The following ZNF534 variants were observed in gnomAD, a reference collection of about 807,000 sequenced individuals.
The protein encoded by ZNF534 is KRAB domain only 3.
ZNF534 carries 19 observed loss-of-function variants against 13.6 expected under a neutral mutation model. The observed-to-expected ratio is 1.40, with a 90% CI of 0.97 to 2.05. ZNF534 has a LOEUF of 2.05. Among genes scored for constraint, ZNF534 ranks in the 30% most tolerant of loss-of-function variants. The probability of loss-of-function intolerance (pLI) is 0.00; values close to 1 mark genes in which losing one functional copy is unlikely to be tolerated. For synonymous variants in ZNF534, 244 were observed against 273.8 expected, an observed-to-expected ratio of 0.89 and a Z score of 1.07; for missense variants, 782 against 796.3, an observed-to-expected ratio of 0.98 and a Z score of 0.22.
Position 52,438,623 on chromosome 19 carries a change from G to T in ZNF534, c.1163G>T (p.Gly388Val). 1.3e-6 allele frequency: 2 copies of T among 1,589,712 alleles called. No homozygotes were observed. Among genetic ancestry groups the T allele is most frequent in the African/African-American group, 2.7e-5 (2 of 74,276 alleles). Residue 388 changes from glycine to valine, a missense_variant, in exon 5 of 5, where the codon GGC becomes GTC. By Grantham distance (109) the Gly-to-Val change is moderately radical (BLOSUM62 -3). Coordinates refer to ENST00000433050, the MANE Select transcript of ZNF534 (RefSeq NM_001143938.3). ...GEKPYKCNEC[G>V]KVFIGNSRLA... is the part of the protein sequence containing the mutation. The stretch of plus-strand genomic sequence containing the variant: ...AAACCTTACAAATGTAATGAGTGTG[G>T]CAAGGTCTTTATTGGCAATTCACGC...
At chr19:52,451,226 T>C in exon 5 of ZNF534, 1 of 720,012 alleles carries the variant, frequency 1.4e-6, no homozygotes, top group Non-Finnish European at 2.6e-6. Context: ...GTCTTCAGGG[T>C]GGAAGCCTGG....
rs1043984378 is a variant in ZNF534 at position 52,439,952 on chromosome 19, C to T, written c.*506C>T. 6.6e-6 allele frequency among the ~76,000 whole-genome samples: 1 copy of T among 152,010 alleles called. No individual in the cohort carries two copies. The highest frequency in any genetic ancestry group is 1.5e-5 in the Non-Finnish European group (1 of 68,014). On this transcript the variant is annotated 3_prime_UTR_variant, in exon 5 of 5. Coordinates refer to ENST00000433050, the MANE Select transcript of ZNF534 (RefSeq NM_001143938.3). ...CTGAGGTGGCAGGCACTTGTGATCC[C>T]AGCTACTCAGGAGGCTGAGGCAGGA...
Position 52,438,448 on chromosome 19 carries a change from G to T in ZNF534, c.988G>T (p.Glu330Ter). 6.2e-7 allele frequency: 1 copy of T among 1,610,182 alleles called. No individual in the cohort carries two copies. Among genetic ancestry groups the T allele is most frequent in the Non-Finnish European group, 8.5e-7 (1 of 1,177,890 alleles). Residue 330 changes from glutamate (E) to a stop codon, truncating the protein, a stop_gained, in exon 5 of 5, where the codon GAA (glutamate) becomes TAA (stop). Transcript: ENST00000433050. LOFTEE classifies it low-confidence loss of function (END_TRUNC). ...TGGAGAGAAACCTTATGATTGTAAGGAATGTGGCAAGGTCTTCAGGCATAA... is the reference window on the plus strand; with the variant it reads ...TGGAGAGAAACCTTATGATTGTAAGTAATGTGGCAAGGTCTTCAGGCATAA... The part of the protein sequence containing the change: ...HTGEKPYDCK[E>*]CGKVFRHKSS...
chr19:52,434,956 A>G (rs11084160), intron 3 of ZNF534, 125 bp from the exon 4 acceptor site: 1,157,062 of 1,220,374 alleles, frequency 0.95, 550,818 homozygotes, highest in African/African-American at 0.98. Context: ...GAAGGATGCA[A>G]TCAGTGGTTG....
chr19:52,446,184 T>C (rs938494321), downstream of ZNF534, among the ~76,000 whole-genome samples: 34 of 152,200 alleles, frequency 2.2e-4, no homozygotes, highest in African/African-American at 8.0e-4. Flanking sequence ...AATGAAAATA[T>C]AATGATAAAT....
At chr19:52,433,574 G>A (rs148273138) in intron 2 of ZNF534, among the ~76,000 whole-genome samples, 21 of 152,250 alleles carry the variant, frequency 1.4e-4, no homozygotes, top group African/African-American at 5.1e-4. Context: ...CACCGTGTTG[G>A]CCAAGATGGT....
chr19:52,449,230 A>G (rs780835580), intron 4 of ZNF534, among the ~76,000 whole-genome samples: 3 of 152,108 alleles, frequency 2.0e-5, no homozygotes, highest in South Asian at 2.1e-4. Context: ...CTATATATAC[A>G]TTTTCTTTAT....
exon 5 of ZNF534, chr19:52,451,698 A>C (rs1049750476): frequency 3.0e-6 from 2 of 673,238 alleles, no homozygotes; most frequent in Non-Finnish European, 5.4e-6. Flanking sequence ...GAGTAGCTCC[A>C]AGGTCTGGCT....
At chr19:52,450,173 G>A (rs991541969) in intron 4 of ZNF534, among the ~76,000 whole-genome samples, 2 of 152,068 alleles carry the variant, frequency 1.3e-5, no homozygotes, top group African/African-American at 4.8e-5. Context: ...AATCTTTTTA[G>A]TTTAATATAA....
chr19:52,441,596 G>A lies in ZNF534; in HGVS notation c.*2150G>A, dbSNP rs1278830092. 6.6e-6 allele frequency among the ~76,000 whole-genome samples: 1 copy of A among 152,200 alleles called. No individual in the cohort carries two copies. The highest frequency in any genetic ancestry group is 1.9e-4 in the East Asian group (1 of 5,194). On this transcript the variant is annotated 3_prime_UTR_variant, in exon 5 of 5. Transcript: ENST00000433050. ...ACTATAGAATTCATACTGCAGAGAA[G>A]CCTTACAAATGCAGCGAATGTGACA... is the stretch of plus-strand genomic sequence containing the variant.
intron 2 of ZNF534, among the ~76,000 whole-genome samples, chr19:52,433,438 C>G (rs1424623342): frequency 6.6e-6 from 1 of 151,956 alleles, no homozygotes; most frequent in African/African-American, 2.4e-5. Flanking sequence ...GCAATCTCAG[C>G]TCACTGCAAT....
chr19:52,429,795 A>G (rs996315357), intron 1 of ZNF534, among the ~76,000 whole-genome samples: 1 of 151,656 alleles, frequency 6.6e-6, no homozygotes, highest in Non-Finnish European at 1.5e-5. Flanking sequence ...GGGTTTCACC[A>G]TGTTGGCCAG....
downstream of ZNF534, among the ~76,000 whole-genome samples, chr19:52,444,057 T>G (rs934756134): frequency 2.0e-5 from 3 of 152,114 alleles, no homozygotes; most frequent in Non-Finnish European, 4.4e-5. Context: ...TGTGATTTTT[T>G]GGGGGATGTT....
At chr19:52,444,520 G>GTAGTAT (rs2059187406), downstream of ZNF534, among the ~76,000 whole-genome samples, 1 of 152,104 alleles carries the variant, frequency 6.6e-6, no homozygotes, top group African/African-American at 2.4e-5. Flanking sequence ...ATCAGCTGTG[G>GTAGTAT]TAGTATGGGG....
In ZNF534 at chr19:52,447,850, C is replaced by T. The variant is rs116311415; in HGVS notation, c.272-3337C>T. ...TGCTAATATTTTCTTAAGAATTTTG[C>T]GATTTTTTTCATGTGAAATTTAGTT... On this transcript the variant is annotated intron_variant, in intron 4 of 4. Coordinates refer to the ZNF534 transcript ENST00000301085. Among the ~76,000 whole-genome samples the T allele has an allele frequency of 8.4e-3, 1,245 of 148,090 alleles. 22 individuals carry two copies. The highest frequency in any genetic ancestry group is 0.029 in the African/African-American group (1,182 of 40,240).
At chr19:52,432,614 A>AT (rs1482203076) in intron 2 of ZNF534, among the ~76,000 whole-genome samples, 1 of 151,878 alleles carries the variant, frequency 6.6e-6, no homozygotes, top group Non-Finnish European at 1.5e-5. Flanking sequence ...GATTTTCACC[A>AT]TTTTTTATTT....
downstream of ZNF534, among the ~76,000 whole-genome samples, chr19:52,444,216 T>C (rs1409840428): frequency 1.3e-5 from 2 of 152,146 alleles, no homozygotes; most frequent in African/African-American, 2.4e-5. Context: ...TCTCCCCCTT[T>C]TCCTAGGGAT....
chr19:52,441,365 A>G lies in ZNF534; in HGVS notation c.*1919A>G, dbSNP rs1044250810. Among the ~76,000 whole-genome samples, 4 of 152,204 alleles carry G rather than the reference A, an allele frequency of 2.6e-5. No individual in the cohort carries two copies. Among genetic ancestry groups the G allele is most frequent in the Non-Finnish European group, 4.4e-5 (3 of 68,032 alleles). Reference sequence around the variant, plus strand: ...ACTCCATCTCTACAAATAATAAAAAATTAGCCAGGTGTGTTGGTATATGCA... The same window carrying G: ...ACTCCATCTCTACAAATAATAAAAAGTTAGCCAGGTGTGTTGGTATATGCA... On this transcript the variant is annotated 3_prime_UTR_variant, in exon 5 of 5. Coordinates refer to ENST00000433050, the MANE Select transcript of ZNF534 (RefSeq NM_001143938.3).
chr19:52,439,337 A>G lies in ZNF534; in HGVS notation c.1877A>G (p.Asn626Ser), dbSNP rs1303631438. Residue 626 changes from asparagine to serine, a missense_variant, in exon 5 of 5, where the codon AAT becomes AGT. Physicochemically the swap from Asn to Ser is conservative, Grantham distance 46. Transcript: ENST00000433050. ...AATTCACGCCTTGCACAACATAGGA[A>G]TATTCATACTGGAGTGAAGCCTTAC... is the stretch of plus-strand genomic sequence containing the variant. ...SRNSRLAQHR[N>S]IHTGVKPYSC... 4 of 1,553,486 alleles carry G rather than the reference A, an allele frequency of 2.6e-6. No homozygotes were observed. The highest frequency in any genetic ancestry group is 2.7e-5 in the African/African-American group (2 of 73,036).
Sources: allele counts gnomAD v4.1 joint callset (sites outside exome capture counted in the v4.1 genomes callset), GRCh38; gene constraint gnomAD v4.1.1; transcripts MANE v1.5; gene names NCBI Gene and HGNC (gene_info 2026-07-23, HGNC 2026-07-21).